The following MGAM2 variants were observed in gnomAD, a reference collection of about 807,000 sequenced individuals.
MGAM2 encodes the protein probable maltase-glucoamylase 2.
In MGAM2, 98 loss-of-function variants were observed where a neutral mutation model predicts 96.1. The ratio of observed to expected loss-of-function variants is 1.02; its 90% confidence interval spans 0.87 to 1.21. The LOEUF (loss-of-function observed/expected upper bound fraction) is 1.21. Ranked by LOEUF, MGAM2 falls within the 50% of genes most tolerant of loss-of-function variation. The probability of loss-of-function intolerance (pLI) is 0.00; values close to 1 mark genes in which losing one functional copy is unlikely to be tolerated. For synonymous variants in MGAM2, 749 were observed against 414.8 expected (o/e 1.81, Z -9.79); for missense variants, 2,055 against 1,182.4 (o/e 1.74, Z -10.82).
intron 46 of MGAM2, among the ~76,000 whole-genome samples, chr7:142,214,637 A>C (rs897308643): frequency 6.6e-6 from 1 of 152,216 alleles, no homozygotes; most frequent in Non-Finnish European, 1.5e-5. Context: ...ACCACTACTC[A>C]AGGATATAAG....
intron 6 of MGAM2, 135 bp from the exon 7 acceptor site, chr7:142,133,846 C>T (rs1033168149): frequency 3.8e-6 from 2 of 526,692 alleles, no homozygotes; most frequent in Non-Finnish European, 6.8e-6. Context: ...CTAGAAAGGC[C>T]TTCAAAGGTA....
rs34480300 is a variant in MGAM2 at position 142,174,715 on chromosome 7, C to CTTTTTTTTTT, written c.3688-928_3688-919dup. ...ATGCCCTTTATTTCTCTCTCTCTCTCTTTTTTTTTTTTTTTTTTGAGTTGG... is the reference window on the plus strand; with the variant it reads ...ATGCCCTTTATTTCTCTCTCTCTCTCTTTTTTTTTTTTTTTTTTTTTTTTTTTTGAGTTGG... On this transcript the variant is annotated intron_variant, in intron 31 of 47. Transcript: ENST00000477922. Among the ~76,000 whole-genome samples, 577 of 85,406 alleles carry CTTTTTTTTTT rather than the reference C, an allele frequency of 6.8e-3. 77 individuals carry two copies. The highest frequency in any genetic ancestry group is 0.022 in the African/African-American group (395 of 17,558). 56.0% of individuals were successfully genotyped at this position (85,406 alleles called of 152,430 possible).
At chr7:142,149,982 C>T (rs1029035853) in intron 15 of MGAM2, among the ~76,000 whole-genome samples, 1 of 151,452 alleles carries the variant, frequency 6.6e-6, no homozygotes, top group Non-Finnish European at 1.5e-5. Flanking sequence ...GCTCTTGTTG[C>T]CCAGGCTGGA....
At chr7:142,141,288 A>G (rs991301205) in intron 12 of MGAM2, among the ~76,000 whole-genome samples, 169 bp downstream of exon 12, 2 of 152,062 alleles carry the variant, frequency 1.3e-5, no homozygotes, top group African/African-American at 4.8e-5. Context: ...ATGATTAAAA[A>G]CCTGAAGAAT....
rs553541894 is a variant in MGAM2 at position 142,141,136 on chromosome 7, A to G, written c.1317+17A>G. 1 of 692,978 alleles carries G rather than the reference A, an allele frequency of 1.4e-6. No homozygotes were observed. The highest frequency in any genetic ancestry group is 2.7e-5 in the East Asian group (1 of 37,130). The allele number at this position is 692,978 out of a possible 1,614,324, so 42.9% of individuals were successfully genotyped here. A position where few individuals can be genotyped will look rare whatever the true frequency, so the allele number is the denominator to read the frequency against. ...GTTGGGGAGGTAATTTCTTAAGAAAATCAAAGTAAATTATGATTGTTTTGG... is the reference window on the plus strand; with the variant it reads ...GTTGGGGAGGTAATTTCTTAAGAAAGTCAAAGTAAATTATGATTGTTTTGG... On this transcript the variant is annotated intron_variant, in intron 12 of 47. Transcript: ENST00000477922.
In MGAM2 at chr7:142,197,428, C is replaced by A. The variant is rs1282523573; in HGVS notation, c.4661C>A (p.Thr1554Asn). 1 of 702,812 alleles carries A rather than the reference C, an allele frequency of 1.4e-6. No individual in the cohort carries two copies. The highest frequency in any genetic ancestry group is 2.6e-6 in the Non-Finnish European group (1 of 385,004). 43.5% of individuals were successfully genotyped at this position (702,812 alleles called of 1,614,324 possible). A position where few individuals can be genotyped will look rare whatever the true frequency, so the allele number is the denominator to read the frequency against. The change falls in exon 41 of 48, where the codon ACC (threonine) becomes AAC (asparagine). Residue 1554 changes from threonine (T) to asparagine (N), a missense_variant. By Grantham distance (65) the Thr-to-Asn change is moderately conservative (BLOSUM62 0). Coordinates refer to ENST00000477922, the MANE Select transcript of MGAM2 (RefSeq NM_001293626.2). Reference protein sequence around the residue: ...RRQDPVAWNSTFEMLSRKVLE... With the variant: ...RRQDPVAWNSNFEMLSRKVLE... Reference sequence around the variant, plus strand: ...CAAGATCCTGTGGCCTGGAATTCAACCTTTGAGATGTTGTCCAGAAAAGTC... The same window carrying A: ...CAAGATCCTGTGGCCTGGAATTCAAACTTTGAGATGTTGTCCAGAAAAGTC...
intron 1 of MGAM2, among the ~76,000 whole-genome samples, chr7:142,113,488 A>G (rs1365830365): frequency 6.6e-6 from 1 of 152,018 alleles, no homozygotes; most frequent in Non-Finnish European, 1.5e-5. Flanking sequence ...TGGCTGTGAG[A>G]ACTAACAGAA....
chr7:142,185,264 T>C, intron 34 of MGAM2, 125 bp downstream of exon 34: 1 of 546,424 alleles, frequency 1.8e-6, no homozygotes, highest in Non-Finnish European at 3.3e-6. Context: ...GCTTATCCAC[T>C]GTTAGTTTCT....
chr7:142,193,143 T>C (rs1796925174), intron 37 of MGAM2, among the ~76,000 whole-genome samples: 1 of 152,206 alleles, frequency 6.6e-6, no homozygotes, highest in South Asian at 2.1e-4. Flanking sequence ...GATATATATA[T>C]TTTTTAATTC....
At chr7:142,200,575 T>C (rs1797190082) in intron 45 of MGAM2, among the ~76,000 whole-genome samples, 2 of 152,210 alleles carry the variant, frequency 1.3e-5, no homozygotes, top group African/African-American at 2.4e-5. Context: ...TCTATAGATA[T>C]ATGGACACAC....
At position 142,218,538 on chromosome 7, in the gene MGAM2, C is replaced by T; in HGVS notation, c.5358+7C>T. The stretch of plus-strand genomic sequence containing the variant: ...GAGTGAACCTTATAATCAGGTAGGT[C>T]TGAAAGGAATATTAGCATATCACAA... On this transcript the variant is annotated splice_region_variant and intron_variant, in intron 47 of 47. Transcript: ENST00000477922. The T allele has an allele frequency of 1.5e-6, 1 of 667,022 alleles. No homozygotes were observed. Among genetic ancestry groups the T allele is most frequent in the Non-Finnish European group, 2.7e-6 (1 of 367,354 alleles). The allele number at this position is 667,022 out of a possible 1,614,324, so 41.3% of individuals were successfully genotyped here.
intron 3 of MGAM2, among the ~76,000 whole-genome samples, chr7:142,129,940 T>G (rs1372928498): frequency 6.6e-6 from 1 of 151,424 alleles, no homozygotes; most frequent in Non-Finnish European, 1.5e-5. Flanking sequence ...AGATTTGTAA[T>G]TTTTTTCTTA....
chr7:142,141,134 A>G lies in MGAM2; in HGVS notation c.1317+15A>G. 1.4e-6 allele frequency: 1 copy of G among 692,414 alleles called. No individual in the cohort carries two copies. The highest frequency in any genetic ancestry group is 1.6e-5 in the South Asian group (1 of 64,224). The allele number at this position is 692,414 out of a possible 1,614,324, so 42.9% of individuals were successfully genotyped here. A position where few individuals can be genotyped will look rare whatever the true frequency, so the allele number is the denominator to read the frequency against. ...CTGTTGGGGAGGTAATTTCTTAAGA[A>G]AATCAAAGTAAATTATGATTGTTTT... is the stretch of plus-strand genomic sequence containing the variant. On this transcript the variant is annotated intron_variant, in intron 12 of 47. Coordinates refer to ENST00000477922, the MANE Select transcript of MGAM2 (RefSeq NM_001293626.2).
In MGAM2 at chr7:142,221,222, G is replaced by A. The variant is rs1295133630; in HGVS notation, c.6711G>A (p.Met2237Ile). ...DVASTNNDAS[M>I]TNFLLATMSA... ...CTAGCACAAATAATGATGCTTCTAT[G>A]ACAAATTTTCTTTTAGCTACAATGT... The change falls in exon 48 of 48, where the codon ATG becomes ATA. Residue 2237 changes from methionine to isoleucine, a missense_variant. Met to Ile is a conservative substitution (Grantham distance 10, BLOSUM62 1). Transcript: ENST00000477922. 2 of 701,634 alleles carry A rather than the reference G, an allele frequency of 2.9e-6. No individual in the cohort carries two copies. The highest frequency in any genetic ancestry group is 4.0e-5 in the Admixed American group (2 of 49,920). The allele number at this position is 701,634 out of a possible 1,614,324, so 43.5% of individuals were successfully genotyped here. A position where few individuals can be genotyped will look rare whatever the true frequency, so the allele number is the denominator to read the frequency against.
chr7:142,207,550 C>T (rs538397288), intron 45 of MGAM2, among the ~76,000 whole-genome samples: 5 of 152,106 alleles, frequency 3.3e-5, no homozygotes, highest in South Asian at 4.2e-4. Context: ...CTCAGCCTCC[C>T]GAGTAGCTGG....
rs532251213 is a variant in MGAM2, at chr7:142,150,524, C to A, written c.1634+2951C>A. Among the ~76,000 whole-genome samples the A allele has an allele frequency of 1.4e-4, 21 of 152,238 alleles. No homozygotes were observed. The South Asian group carries it at 4.4e-3, about 32-fold the overall frequency. On this transcript the variant is annotated intron_variant, in intron 15 of 47. Transcript: ENST00000477922. ...TATCTCCCAGTAACCTACCCTCTAC[C>A]CTTTCTACTTGAAGCATAGTCCAAG...
chr7:142,198,018 C>T (rs1220356652), intron 42 of MGAM2, 121 bp from the exon 43 acceptor site: 1 of 599,190 alleles, frequency 1.7e-6, no homozygotes. Context: ...TAAAATCCCT[C>T]AAATTATTGC....
chr7:142,167,157 A>G lies in MGAM2; in HGVS notation c.2809-111A>G, dbSNP rs530743347. 99 of 593,602 alleles carry G rather than the reference A, an allele frequency of 1.7e-4. 3 individuals are homozygous for G. In the African/African-American group the frequency reaches 1.8e-3, roughly 11 times the overall value. 36.8% of individuals were successfully genotyped at this position (593,602 alleles called of 1,614,324 possible). ...TTTTTTAGGGGACACAATTCAACCC[A>G]TAACCATGGACATGGTATTAGAGAC... On this transcript the variant is annotated intron_variant, in intron 25 of 47. Transcript: ENST00000477922.
At chr7:142,211,070 A>G (rs1563297709) in intron 46 of MGAM2, among the ~76,000 whole-genome samples, 1 of 152,212 alleles carries the variant, frequency 6.6e-6, no homozygotes. Context: ...GACCTCCAGC[A>G]AACTCCAGCA....
Sources: allele counts gnomAD v4.1 joint callset (sites outside exome capture counted in the v4.1 genomes callset), GRCh38; gene constraint gnomAD v4.1.1; transcripts MANE v1.5; gene names NCBI Gene and HGNC (gene_info 2026-07-23, HGNC 2026-07-21).